The following RELN variants were observed in gnomAD, a reference collection of about 807,000 sequenced individuals.
RELN encodes reelin.
Under a neutral mutation model 427.6 loss-of-function variants are expected in RELN, and 108 were observed. The ratio of observed to expected loss-of-function variants is 0.25; its 90% CI spans 0.22 to 0.30. The LOEUF is 0.30. Ranked by LOEUF, RELN falls within the 10% of genes least tolerant of loss-of-function variation. The pLI, the probability that RELN is intolerant of heterozygous loss-of-function variation, is 1.00. For synonymous variants in RELN, 1,524 were observed against 1,513.4 expected, an observed-to-expected ratio of 1.01 and a Z score of -0.16; for missense variants, 3,715 against 4,302.8, an observed-to-expected ratio of 0.86 and a Z score of 3.82.
intron 3 of RELN, among the ~76,000 whole-genome samples, chr7:103,808,936 T>C (rs1178706573): frequency 6.6e-6 from 1 of 152,144 alleles, no homozygotes; most frequent in African/African-American, 2.4e-5. Flanking sequence ...AGTTTGCAGA[T>C]GGAAAGGCCC....
At chr7:103,556,662 C>T (rs1373060773) in intron 38 of RELN, among the ~76,000 whole-genome samples, 3 of 152,230 alleles carry the variant, frequency 2.0e-5, no homozygotes, top group African/African-American at 7.2e-5. Context: ...GGGGTTTCCA[C>T]TTTTGCATCT....
intron 3 of RELN, among the ~76,000 whole-genome samples, chr7:103,814,327 T>C (rs556312484): frequency 6.1e-4 from 93 of 152,332 alleles, no homozygotes; most frequent in Non-Finnish European, 1.0e-3. Flanking sequence ...AAATGACAGA[T>C]GAAAGACGGA....
intron 3 of RELN, among the ~76,000 whole-genome samples, chr7:103,783,836 C>T (rs1352275129): frequency 1.3e-5 from 2 of 152,142 alleles, no homozygotes; most frequent in Non-Finnish European, 2.9e-5. Flanking sequence ...ATTTGTTCAT[C>T]CATGGTATTG....
chr7:103,833,796 T>C, intron 2 of RELN, 124 bp from the exon 3 acceptor site: 1 of 907,866 alleles, frequency 1.1e-6, no homozygotes, highest in Non-Finnish European at 1.8e-6. Context: ...GGCTTCCCAA[T>C]AAGTTATGTA....
intron 1 of RELN, among the ~76,000 whole-genome samples, chr7:103,972,707 C>CAGAG (rs1796788665): frequency 6.6e-6 from 1 of 152,148 alleles, no homozygotes; most frequent in Admixed American, 6.5e-5. Context: ...CACTGTCAGG[C>CAGAG]AGAGGCTTAC....
At position 103,857,731 on chromosome 7, in the gene RELN, C is replaced by T. The variant is rs533083697; in HGVS notation, c.338-24059G>A. Among the ~76,000 whole-genome samples the T allele has an allele frequency of 1.9e-3, 285 of 152,244 alleles. 1 individual carries two copies. Among genetic ancestry groups the T allele is most frequent in the Non-Finnish European group, 3.2e-3 (218 of 68,016 alleles). ...GACATCTAAGTGCTCCTTAGAGGAC[C>T]GCCAAGCACTGCACTAAACACCACC... On this transcript the variant is annotated intron_variant, in intron 2 of 64. Coordinates refer to ENST00000428762, the MANE Select transcript of RELN (RefSeq NM_005045.4).
chr7:103,685,701 C>T (rs1273636138), intron 10 of RELN, among the ~76,000 whole-genome samples: 2 of 151,976 alleles, frequency 1.3e-5, no homozygotes, highest in Non-Finnish European at 2.9e-5. Context: ...AGTAGGTTAC[C>T]GATTTCTAAA....
chr7:103,884,432 G>A lies in RELN; in HGVS notation c.337+32643C>T, dbSNP rs188136111. ...GCAACAAAAGCCAAAACTAACAAAC[G>A]GGATCTAATTAAACTAAAGAGCTTC... On this transcript the variant is annotated intron_variant, in intron 2 of 64. Coordinates refer to ENST00000428762, the MANE Select transcript of RELN (RefSeq NM_005045.4). 1.2e-3 allele frequency among the ~76,000 whole-genome samples: 176 copies of A among 152,160 alleles called. 1 individual carries two copies. The highest frequency in any genetic ancestry group is 4.0e-3 in the African/African-American group (164 of 41,512).
At chr7:103,858,287 G>A (rs1793993177) in intron 2 of RELN, among the ~76,000 whole-genome samples, 1 of 152,108 alleles carries the variant, frequency 6.6e-6, no homozygotes, top group Non-Finnish European at 1.5e-5. Flanking sequence ...CTGGTTTTTA[G>A]AATCACTGGG....
At chr7:103,491,826 T>TCC (rs1828664693) in intron 58 of RELN, 127 bp downstream of exon 58, 7 of 388,298 alleles carry the variant, frequency 1.8e-5, no homozygotes. Flanking sequence ...CGAAACTGTC[T>TCC]CTCTCTCTCT....
At chr7:103,719,607 T>G (rs62482639) in intron 8 of RELN, among the ~76,000 whole-genome samples, 1 of 26,492 alleles carries the variant, frequency 3.8e-5, no homozygotes, top group Admixed American at 2.7e-4. Flanking sequence ...GTTAAGACTG[T>G]GTGGTAGACA....
chr7:103,558,724 C>T (rs1440750055), intron 36 of RELN, among the ~76,000 whole-genome samples: 2 of 152,172 alleles, frequency 1.3e-5, no homozygotes, highest in Non-Finnish European at 2.9e-5. Flanking sequence ...AGGTTCTTTT[C>T]TTCTTGGGTA....
At chr7:103,743,035 G>A (rs1231520357) in intron 6 of RELN, among the ~76,000 whole-genome samples, 1 of 150,032 alleles carries the variant, frequency 6.7e-6, no homozygotes, top group Non-Finnish European at 1.5e-5. Flanking sequence ...ACCCACAAAG[G>A]GAAGCCCATC....
At chr7:103,608,527 T>C (rs1317542161) in intron 22 of RELN, among the ~76,000 whole-genome samples, 3 of 152,264 alleles carry the variant, frequency 2.0e-5, no homozygotes, top group Admixed American at 6.5e-5. Flanking sequence ...TTATCTAACA[T>C]CATAATATTA....
At position 103,654,030 on chromosome 7, in the gene RELN, T is replaced by C. The variant is rs41276160; in HGVS notation, c.1554+63A>G. The C allele has an allele frequency of 0.016, 14,491 of 925,742 alleles. 764 individuals are homozygous for C. The highest frequency in any genetic ancestry group is 0.15 in the African/African-American group (9,039 of 61,704). The allele number at this position is 925,742 out of a possible 1,614,324, so 57.3% of individuals were successfully genotyped here. On this transcript the variant is annotated intron_variant, in intron 13 of 64. Transcript: ENST00000428762. ...GCATCTGGAGTGGTCTTTGTGGTTT[T>C]GACTTGGGCTTGTCCAGGGTGGTCT...
intron 6 of RELN, among the ~76,000 whole-genome samples, chr7:103,730,592 A>T (rs626065): frequency 0.61 from 92,755 of 151,916 alleles, 29,755 homozygotes; most frequent in African/African-American, 0.82. Flanking sequence ...GTGCTTTATA[A>T]CCCCAGAAAT....
At chr7:103,789,984 C>T (rs576009696) in intron 3 of RELN, among the ~76,000 whole-genome samples, 1 of 152,298 alleles carries the variant, frequency 6.6e-6, no homozygotes, top group Non-Finnish European at 1.5e-5. Context: ...GACATATACA[C>T]CACACAATGC....
rs572114272 is a variant in RELN, at chr7:103,985,363, G to A, written c.226+3768C>T. On this transcript the variant is annotated intron_variant, in intron 1 of 64. Coordinates refer to ENST00000428762, the MANE Select transcript of RELN (RefSeq NM_005045.4). ...ACTTCCCCCATCTTATGCTACCATA[G>A]TAACAGAAATTCTAGTCCATTCAGA... is the stretch of plus-strand genomic sequence containing the variant. Among the ~76,000 whole-genome samples, 6 of 152,224 alleles carry A rather than the reference G, an allele frequency of 3.9e-5. No individual in the cohort carries two copies. The East Asian group carries it at 9.7e-4, about 25-fold the overall frequency.
rs1032271692 is a variant in RELN, at chr7:103,968,786, T to C, written c.226+20345A>G. On this transcript the variant is annotated intron_variant, in intron 1 of 64. Coordinates refer to ENST00000428762, the MANE Select transcript of RELN (RefSeq NM_005045.4). The surrounding 1 kb of genome is among the most constrained non-coding windows in gnomAD (Gnocchi z 4.3). ...ATGCTAAAGGATGTCAAATTTACCA[T>C]TGACATTCTGCCTAACAACAACAAA... is the stretch of plus-strand genomic sequence containing the variant. 6.6e-6 allele frequency among the ~76,000 whole-genome samples: 1 copy of C among 152,194 alleles called. No individual in the cohort carries two copies. The highest frequency in any genetic ancestry group is 1.5e-5 in the Non-Finnish European group (1 of 68,034).
Sources: gnomAD v4.1 joint callset for allele counts (sites outside exome capture counted in the v4.1 genomes callset) on GRCh38, gnomAD v4.1.1 for gene constraint, Gnocchi (gnomAD v3.1) non-coding constraint, MANE v1.5 for transcripts, NCBI Gene and HGNC (gene_info 2026-07-23, HGNC 2026-07-21) for gene names.